The following RBPJ variants were observed in gnomAD, a reference collection of about 807,000 sequenced individuals.
RBPJ encodes recombining binding protein suppressor of hairless.
A neutral mutation model predicts 67.8 loss-of-function variants in RBPJ; 9 were observed. The observed-to-expected ratio is 0.13, with a 90% CI of 0.08 to 0.23. RBPJ has a LOEUF of 0.23. Among genes scored for constraint, RBPJ ranks in the 10% least tolerant of loss-of-function variants. RBPJ has a pLI of 1.00. For missense variants in RBPJ, 305 were observed against 595.6 expected (o/e 0.51, Z 5.08); for synonymous variants, 198 against 203.3 (o/e 0.97, Z 0.22).
intron 1 of RBPJ, among the ~76,000 whole-genome samples, chr4:26,275,520 G>A (rs1192551277): frequency 2.0e-5 from 3 of 152,210 alleles, no homozygotes; most frequent in African/African-American, 7.2e-5. Flanking sequence ...ACTCGGGTGT[G>A]GCTAAGCAAC....
chr4:26,158,315 C>G, the RBPJ span, among the ~76,000 whole-genome samples: 10 of 152,218 alleles, frequency 6.6e-5, no homozygotes, highest in African/African-American at 1.9e-4. Context: ...TTGCTGAGGT[C>G]TCCAAGTTTG....
intron 2 of RBPJ, among the ~76,000 whole-genome samples, chr4:26,394,008 C>A (rs2109677190): frequency 6.7e-6 from 1 of 150,202 alleles, no homozygotes; most frequent in African/African-American, 2.4e-5. Context: ...ATATACTATT[C>A]ACTGTTACTA....
Position 26,283,226 on chromosome 4 carries a change from G to A in RBPJ, c.-166-79220G>A, listed in dbSNP as rs184371950. ...TTACAGGCAGGAGCCACCGCTCCCG[G>A]CCTCTTATTTTTAAATTAAAGATAT... On this transcript the variant is annotated intron_variant, in intron 1 of 4. Transcript: ENST00000512351. Among the ~76,000 whole-genome samples, 103 of 148,446 alleles carry A rather than the reference G, an allele frequency of 6.9e-4. 1 individual carries two copies. The East Asian group carries it at 0.018, about 26-fold the overall frequency.
intron 1 of RBPJ, among the ~76,000 whole-genome samples, chr4:26,275,267 A>G (rs1721040230): frequency 6.6e-6 from 1 of 152,196 alleles, no homozygotes; most frequent in African/African-American, 2.4e-5. Flanking sequence ...GTAATTTGAC[A>G]TCCTCAGCAG....
intron 1 of RBPJ, among the ~76,000 whole-genome samples, chr4:26,305,054 T>C (rs1230521597): frequency 2.0e-5 from 3 of 152,192 alleles, no homozygotes; most frequent in Non-Finnish European, 4.4e-5. Context: ...TTCTTTTGCA[T>C]GTAGATATTC....
At chr4:26,375,942 T>C (rs866296908) in intron 1 of RBPJ, among the ~76,000 whole-genome samples, 6 of 152,062 alleles carry the variant, frequency 3.9e-5, no homozygotes, top group Middle Eastern at 3.2e-3. Context: ...ACTCCTCAGG[T>C]TCCTTTTTAT....
In RBPJ at chr4:26,407,356, T is replaced by C. The variant is rs891389076; in HGVS notation, c.155+1086T>C. 5.9e-5 allele frequency among the ~76,000 whole-genome samples: 9 copies of C among 152,206 alleles called. No individual in the cohort carries two copies. The South Asian group carries it at 1.2e-3, about 21-fold the overall frequency. ...ATTAAGAAGAAACAGCAAAACTGGG[T>C]TCATACTCTCATACTACTTGAATGT... is the stretch of plus-strand genomic sequence containing the variant. On this transcript the variant is annotated intron_variant, in intron 3 of 10. Coordinates refer to ENST00000355476, the MANE Select transcript of RBPJ (RefSeq NM_015874.6).
intron 1 of RBPJ, among the ~76,000 whole-genome samples, chr4:26,357,774 CTA>C (rs370310602): frequency 4.6e-5 from 7 of 152,178 alleles, no homozygotes; most frequent in African/African-American, 1.4e-4. Context: ...CTTTTTGTCT[CTA>C]TGAATTTGAC....
At chr4:26,370,606 G>C (rs969981020) in intron 1 of RBPJ, among the ~76,000 whole-genome samples, 1 of 152,138 alleles carries the variant, frequency 6.6e-6, no homozygotes, top group Non-Finnish European at 1.5e-5. Flanking sequence ...CAAAAATGTG[G>C]ATTATCACTT....
At chr4:26,292,418 G>A (rs1010193704) in intron 1 of RBPJ, among the ~76,000 whole-genome samples, 2 of 149,758 alleles carry the variant, frequency 1.3e-5, no homozygotes, top group African/African-American at 4.9e-5. Context: ...TTTTATGACT[G>A]AATAATATAT....
intron 1 of RBPJ, among the ~76,000 whole-genome samples, chr4:26,362,115 T>A (rs2109501574): frequency 6.6e-6 from 1 of 152,310 alleles, no homozygotes; most frequent in Middle Eastern, 3.4e-3. Context: ...CTGGCCCTCA[T>A]TCACAGAATA....
chr4:26,228,445 A>G (rs917689319), intron 1 of RBPJ, among the ~76,000 whole-genome samples: 2 of 152,196 alleles, frequency 1.3e-5, no homozygotes, highest in African/African-American at 4.8e-5. Context: ...TCTGTCATTA[A>G]TATGGTAGCC....
upstream of RBPJ, among the ~76,000 whole-genome samples, chr4:26,318,629 G>C (rs1722744897): frequency 6.6e-6 from 1 of 152,106 alleles, no homozygotes; most frequent in Non-Finnish European, 1.5e-5. Context: ...CAAGGCGAGA[G>C]CGCAGAGCTG....
chr4:26,359,145 G>A (rs1014620782), intron 1 of RBPJ, among the ~76,000 whole-genome samples: 41 of 152,034 alleles, frequency 2.7e-4, no homozygotes, highest in Admixed American at 2.6e-3. Flanking sequence ...TTGATCTCAC[G>A]GAACGTACAT....
intron 1 of RBPJ, among the ~76,000 whole-genome samples, chr4:26,189,463 G>A (rs190694480): frequency 1.1e-3 from 166 of 152,198 alleles, no homozygotes; most frequent in African/African-American, 3.9e-3. Context: ...TTTGAGACAA[G>A]CCTGGCCAAC....
intron 1 of RBPJ, among the ~76,000 whole-genome samples, chr4:26,215,406 G>GGA (rs1170110019): frequency 4.1e-5 from 3 of 72,752 alleles, no homozygotes; most frequent in African/African-American, 1.6e-4. Flanking sequence ...AGGAAGGGGG[G>GGA]GGAAGGAAGG....
At chr4:26,269,054 G>A (rs1720794593) in intron 1 of RBPJ, among the ~76,000 whole-genome samples, 2 of 151,938 alleles carry the variant, frequency 1.3e-5, no homozygotes, top group South Asian at 4.2e-4. Context: ...GCTTTAGTTT[G>A]GTGGGGATTG....
intron 1 of RBPJ, among the ~76,000 whole-genome samples, chr4:26,365,028 T>A (rs1036707704): frequency 6.6e-6 from 1 of 151,846 alleles, no homozygotes; most frequent in African/African-American, 2.4e-5. Context: ...TAAGAGTGAC[T>A]TGAAGAAACC....
chr4:26,255,646 CA>C (rs1161692272), intron 1 of RBPJ, among the ~76,000 whole-genome samples: 1 of 150,262 alleles, frequency 6.7e-6, no homozygotes, highest in East Asian at 2.0e-4. Context: ...ACTAAAAATA[CA>C]AAAAATTAGC....
Sources: allele counts gnomAD v4.1 joint callset (sites outside exome capture counted in the v4.1 genomes callset), GRCh38; gene constraint gnomAD v4.1.1; transcripts MANE v1.5; gene names NCBI Gene and HGNC (gene_info 2026-07-23, HGNC 2026-07-21).